NAPG: variants seen among roughly 807,000 people sequenced by gnomAD.
The protein encoded by NAPG is NSF attachment protein gamma.
Under a neutral mutation model 48.4 loss-of-function variants are expected in NAPG, and 25 were observed. The ratio of observed to expected loss-of-function variants is 0.52; its 90% CI spans 0.38 to 0.72. NAPG has a LOEUF of 0.72. Among genes scored for constraint, NAPG ranks in the 30% least tolerant of loss-of-function variants. The pLI, the probability that NAPG is intolerant of heterozygous loss-of-function variation, is 0.00. For missense variants in NAPG, 359 were observed against 372.5 expected, an observed-to-expected ratio of 0.96 and a Z score of 0.30; for synonymous variants, 139 against 127.2, an observed-to-expected ratio of 1.09 and a Z score of -0.62.
rs373220930 is a variant in NAPG, at chr18:10,548,836, A to T, written c.666-131A>T. On this transcript the variant is annotated intron_variant, in intron 10 of 11. Transcript: ENST00000322897. The surrounding 1 kb of genome is among the most constrained non-coding windows in gnomAD (Gnocchi z 4.4). ...CCCCGGTCTCTGCCCTCTAGATGCC[A>T]CTAGCATTCCCACACTTTTAAGTAC... 2.8e-5 allele frequency: 33 copies of T among 1,158,162 alleles called. 1 individual carries two copies. Among genetic ancestry groups the T allele is most frequent in the Admixed American group, 1.0e-4 (4 of 39,612 alleles). The allele number at this position is 1,158,162 out of a possible 1,614,324, so 71.7% of individuals were successfully genotyped here.
rs374685292 is a variant in NAPG at position 10,542,164 on chromosome 18, G to A, written c.506+1765G>A. The stretch of plus-strand genomic sequence containing the variant: ...TGAGCAGCAGAAGTGAGAATGCTGC[G>A]TAGATGTGCTCAAAGGGCACATTTA... On this transcript the variant is annotated intron_variant, in intron 8 of 11. Transcript: ENST00000322897. This position sits in a 1 kb window ranked among gnomAD's most constrained non-coding sequence, Gnocchi z 4.5. 4.9e-4 allele frequency among the ~76,000 whole-genome samples: 74 copies of A among 152,034 alleles called. 1 individual carries two copies. Among genetic ancestry groups the A allele is most frequent in the African/African-American group, 1.5e-3 (62 of 41,486 alleles).
chr18:10,550,036 C>T, intron 11 of NAPG, 41 bp from the exon 12 acceptor site: 2 of 1,490,288 alleles, frequency 1.3e-6, no homozygotes, highest in Non-Finnish European at 1.8e-6. Flanking sequence ...TGTTAGGATT[C>T]TAGTTATCCA....
intron 8 of NAPG, chr18:10,540,640 A>G (rs1375806840): frequency 1.1e-5 from 4 of 353,174 alleles, no homozygotes; most frequent in African/African-American, 6.3e-5. Context: ...TTATTGGTTG[A>G]ACCCTGGCTC....
chr18:10,526,239 C>CCTTGGCCCCGGGGGGGGGGG, intron 1 of NAPG, 81 bp downstream of exon 1: 2 of 349,042 alleles, frequency 5.7e-6, no homozygotes, highest in Non-Finnish European at 1.2e-5. Flanking sequence ...CCGGGGGGGG[C>CCTTGGCCCCGGGGGGGGGGG]GGGAGGGAGG....
chr18:10,548,865 AAT>A lies in NAPG; in HGVS notation c.666-101_666-100del. 7.0e-7 allele frequency: 1 copy of A among 1,425,794 alleles called. No homozygotes were observed. The highest frequency in any genetic ancestry group is 9.4e-7 in the Non-Finnish European group (1 of 1,063,870). The allele number at this position is 1,425,794 out of a possible 1,614,324, so 88.3% of individuals were successfully genotyped here. On this transcript the variant is annotated intron_variant, in intron 10 of 11. Transcript: ENST00000322897. The surrounding 1 kb of genome is among the most constrained non-coding windows in gnomAD (Gnocchi z 4.4). ...GCATTCCCACACTTTTAAGTACCAA[AAT>A]GTCTCCAGACAGTGTCACATGCCAG...
chr18:10,547,562 T>C (rs614780), intron 9 of NAPG, among the ~76,000 whole-genome samples: 67,046 of 143,400 alleles, frequency 0.47, 15,130 homozygotes, highest in East Asian at 0.64. Context: ...AAAATTATTT[T>C]TATAGAAACT....
intron 1 of NAPG, among the ~76,000 whole-genome samples, chr18:10,527,641 G>A (rs1279908451): frequency 5.3e-5 from 8 of 152,196 alleles, no homozygotes; most frequent in African/African-American, 1.7e-4. Context: ...TGTGAGCAGA[G>A]CTTGAAAAAT....
At position 10,540,813 on chromosome 18, in the gene NAPG, T is replaced by A. The variant is rs547535247; in HGVS notation, c.506+414T>A. The A allele has an allele frequency of 5.4e-4, 83 of 154,474 alleles. 1 individual carries two copies. The highest frequency in any genetic ancestry group is 3.3e-3 in the Middle Eastern group (1 of 302). The allele number at this position is 154,474 out of a possible 1,614,324, so 9.6% of individuals were successfully genotyped here. On this transcript the variant is annotated intron_variant, in intron 8 of 11. Coordinates refer to ENST00000322897, the MANE Select transcript of NAPG (RefSeq NM_003826.3). ...CAAATAGTGTCATTATTAGAATATT[T>A]ACCTTGTTATCGTTTCACATATGAC...
intron 8 of NAPG, among the ~76,000 whole-genome samples, chr18:10,541,041 A>G (rs1567891849): frequency 6.6e-6 from 1 of 152,190 alleles, no homozygotes; most frequent in East Asian, 1.9e-4. Context: ...CTTCCCAGTA[A>G]CAGAAAACAC....
chr18:10,528,256 A>T (rs1317232936), intron 1 of NAPG, among the ~76,000 whole-genome samples: 1 of 152,198 alleles, frequency 6.6e-6, no homozygotes, highest in African/African-American at 2.4e-5. Flanking sequence ...ACTTTGACAT[A>T]TTCAGTAAAC....
Position 10,546,351 on chromosome 18 carries a change from CA to C in NAPG, c.533del (p.Gln178ArgfsTer25). On this transcript the variant is annotated frameshift_variant, in exon 9 of 12. Transcript: ENST00000322897. LOFTEE classifies it high-confidence loss of function. The surrounding 1 kb of genome is among the most constrained non-coding windows in gnomAD (Gnocchi z 4.0). ...GTTTGATGAGGCGGCACTCTCTATT[CA>C]GAAAGAAAAAAATATTTATAAGGAA... Reference protein sequence around the residue: ...RRFDEAALSIQKEKNIYKEIE... With the variant: ...RRFDEAALSIXKEKNIYKEIE... 1 of 1,579,258 alleles carries C rather than the reference CA, an allele frequency of 6.3e-7. No homozygotes were observed. The highest frequency in any genetic ancestry group is 8.6e-7 in the Non-Finnish European group (1 of 1,159,192).
At chr18:10,547,165 C>T (rs1469605762) in intron 9 of NAPG, among the ~76,000 whole-genome samples, 2 of 152,222 alleles carry the variant, frequency 1.3e-5, no homozygotes, top group African/African-American at 4.8e-5. Flanking sequence ...GCACTGCCCT[C>T]TGAAGGGCTT....
chr18:10,546,401 T>A lies in NAPG; in HGVS notation c.582T>A (p.Tyr194Ter), dbSNP rs751822920. 1 of 1,517,188 alleles carries A rather than the reference T, an allele frequency of 6.6e-7. No homozygotes were observed. The highest frequency in any genetic ancestry group is 9.0e-7 in the Non-Finnish European group (1 of 1,113,310). The allele number at this position is 1,517,188 out of a possible 1,614,324, so 94.0% of individuals were successfully genotyped here. ...AAATTGAGAATTATCCAACTTGTTA[T>A]AAGGTATTCTTTGAAAGTGTTTGTT... ...YKEIENYPTC[Y>*]KKTIAQVLVH... Residue 194 changes from tyrosine to a stop codon, truncating the protein, a stop_gained, in exon 9 of 12, where the codon TAT becomes TAA. Transcript: ENST00000322897. LOFTEE classifies it high-confidence loss of function. This position sits in a 1 kb window ranked among gnomAD's most constrained non-coding sequence, Gnocchi z 4.0.
chr18:10,546,050 C>T lies in NAPG; in HGVS notation c.507-276C>T, dbSNP rs2032258793. ...AGAAGTCGTGACACTCGCTATTGGACAGTCCTTACTAAGCTTAAAACTCCC... is the reference window on the plus strand; with the variant it reads ...AGAAGTCGTGACACTCGCTATTGGATAGTCCTTACTAAGCTTAAAACTCCC... On this transcript the variant is annotated intron_variant, in intron 8 of 11. Coordinates refer to ENST00000322897, the MANE Select transcript of NAPG (RefSeq NM_003826.3). This position sits in a 1 kb window ranked among gnomAD's most constrained non-coding sequence, Gnocchi z 4.0. Among the ~76,000 whole-genome samples the T allele has an allele frequency of 6.6e-6, 1 of 152,208 alleles. No individual in the cohort carries two copies. The highest frequency in any genetic ancestry group is 2.1e-4 in the South Asian group (1 of 4,826).
chr18:10,526,424 G>A (rs2031812490), intron 1 of NAPG: 1 of 484,884 alleles, frequency 2.1e-6, no homozygotes, highest in Middle Eastern at 5.5e-4. Flanking sequence ...ACTCGGCGCA[G>A]TGCTGCGGGG....
chr18:10,543,135 CAAAAA>C lies in NAPG; in HGVS notation c.506+2747_506+2751del, dbSNP rs199992167. Among the ~76,000 whole-genome samples the C allele has an allele frequency of 9.4e-6, 1 of 106,432 alleles. No individual in the cohort carries two copies. Among genetic ancestry groups the C allele is most frequent in the Admixed American group, 1.0e-4 (1 of 9,566 alleles). The allele number at this position is 106,432 out of a possible 152,430, so 69.8% of individuals were successfully genotyped here. ...ACAGGTTGCAGTGAGACTCCCATCT[CAAAAA>C]AAAAAAAAAAGAAAAGAAAAGAAAA... On this transcript the variant is annotated intron_variant, in intron 8 of 11. Coordinates refer to ENST00000322897, the MANE Select transcript of NAPG (RefSeq NM_003826.3). This position sits in a 1 kb window ranked among gnomAD's most constrained non-coding sequence, Gnocchi z 4.4.
chr18:10,547,511 T>C (rs2032293638), intron 9 of NAPG, among the ~76,000 whole-genome samples: 1 of 152,058 alleles, frequency 6.6e-6, no homozygotes, highest in African/African-American at 2.4e-5. Flanking sequence ...ATAAACACAA[T>C]TAAAATGAAT....
At chr18:10,547,108 G>A (rs2032284116) in intron 9 of NAPG, among the ~76,000 whole-genome samples, 1 of 152,238 alleles carries the variant, frequency 6.6e-6, no homozygotes, top group South Asian at 2.1e-4. Flanking sequence ...AAGTAGCAGT[G>A]CAGCGCAAAG....
In NAPG at chr18:10,546,919, T is replaced by C. The variant is rs560122361; in HGVS notation, c.585+515T>C. On this transcript the variant is annotated intron_variant, in intron 9 of 11. Coordinates refer to ENST00000322897, the MANE Select transcript of NAPG (RefSeq NM_003826.3). This position sits in a 1 kb window ranked among gnomAD's most constrained non-coding sequence, Gnocchi z 4.0. ...CATGGAGCTACACTGTGATGATGGC[T>C]CAGGTTGATAAAACTCCACAAGGAC... is the stretch of plus-strand genomic sequence containing the variant. Among the ~76,000 whole-genome samples, 3 of 152,270 alleles carry C rather than the reference T, an allele frequency of 2.0e-5. No individual in the cohort carries two copies. In the South Asian group the frequency reaches 6.2e-4, roughly 32 times the overall value.
Sources: gnomAD v4.1 joint callset for allele counts (sites outside exome capture counted in the v4.1 genomes callset) on GRCh38, gnomAD v4.1.1 for gene constraint, Gnocchi (gnomAD v3.1) non-coding constraint, MANE v1.5 for transcripts, NCBI Gene and HGNC (gene_info 2026-07-23, HGNC 2026-07-21) for gene names.